The following NBEA variants were observed in gnomAD, a reference collection of about 807,000 sequenced individuals.
The protein encoded by NBEA is neurobeachin, also known as lysosomal-trafficking regulator 2.
A neutral mutation model predicts 343.4 loss-of-function variants in NBEA; 44 were observed. The ratio of observed to expected loss-of-function variants is 0.13; its 90% CI spans 0.10 to 0.16. The LOEUF (loss-of-function observed/expected upper bound fraction) is 0.16. Ranked by LOEUF, NBEA falls within the 10% of genes least tolerant of loss-of-function variation. NBEA has a pLI of 1.00. For synonymous variants in NBEA, 1,175 were observed against 1,238.7 expected (o/e 0.95, Z 1.08); for missense variants, 2,555 against 3,631.3 (o/e 0.70, Z 7.62).
chr13:35,354,475 A>G (rs2152867466), intron 38 of NBEA, among the ~76,000 whole-genome samples: 1 of 152,282 alleles, frequency 6.6e-6, no homozygotes, highest in African/African-American at 2.4e-5. Context: ...AACATGTCAG[A>G]TGCGTCCTGT....
intron 21 of NBEA, among the ~76,000 whole-genome samples, chr13:35,158,593 G>T (rs2069344373): frequency 6.6e-6 from 1 of 152,054 alleles, no homozygotes; most frequent in Non-Finnish European, 1.5e-5. Flanking sequence ...ATCAGTTGTT[G>T]GGAAGGGTGC....
chr13:35,345,527 G>A (rs2039822661), intron 36 of NBEA, among the ~76,000 whole-genome samples: 1 of 151,984 alleles, frequency 6.6e-6, no homozygotes, highest in Admixed American at 6.6e-5. Context: ...CAACTTGACT[G>A]TGAAAAAGAA....
rs1365955891 is a variant in NBEA at position 35,583,895 on chromosome 13, T to C, written c.7036-3T>C. On this transcript the variant is annotated splice_polypyrimidine_tract_variant and splice_region_variant and intron_variant, in intron 45 of 58. Coordinates refer to ENST00000379939, the MANE Select transcript of NBEA (RefSeq NM_001385012.1). ...AAACAAAATATTTTTTTTCTTTTAA[T>C]AGCCAATTGGTGCTTTGAACCCCAA... The C allele has an allele frequency of 6.2e-7, 1 of 1,603,216 alleles. No homozygotes were observed. The highest frequency in any genetic ancestry group is 2.2e-5 in the East Asian group (1 of 44,798).
intron 39 of NBEA, among the ~76,000 whole-genome samples, chr13:35,447,797 A>T (rs2046123643): frequency 6.6e-6 from 1 of 152,158 alleles, no homozygotes; most frequent in African/African-American, 2.4e-5. Flanking sequence ...CAAAAAGTGC[A>T]CTCAGTCCAA....
chr13:35,355,542 CA>C (rs1277314494), intron 38 of NBEA, among the ~76,000 whole-genome samples: 3 of 152,154 alleles, frequency 2.0e-5, no homozygotes, highest in Non-Finnish European at 4.4e-5. Flanking sequence ...ACCTTTCCGT[CA>C]TTGCAGAAAG....
intron 38 of NBEA, among the ~76,000 whole-genome samples, chr13:35,417,061 T>G (rs928314468): frequency 2.6e-5 from 4 of 152,208 alleles, no homozygotes; most frequent in Non-Finnish European, 5.9e-5. Context: ...TAGTTTGTAT[T>G]TCTGTGGAAA....
intron 36 of NBEA, among the ~76,000 whole-genome samples, chr13:35,341,458 C>T (rs899471591): frequency 6.6e-6 from 1 of 151,964 alleles, no homozygotes; most frequent in African/African-American, 2.4e-5. Context: ...GAAAATATAA[C>T]AGCAGAATTG....
At chr13:35,213,221 A>G (rs2073883609) in intron 33 of NBEA, among the ~76,000 whole-genome samples, 1 of 151,998 alleles carries the variant, frequency 6.6e-6, no homozygotes, top group South Asian at 2.1e-4. Context: ...TATTTGAAAG[A>G]CACTTCTTTT....
intron 41 of NBEA, chr13:35,476,057 C>T: frequency 6.2e-7 from 1 of 1,614,192 alleles, no homozygotes; most frequent in African/African-American, 1.3e-5. Flanking sequence ...ATAGTTTTGG[C>T]AATGGCAGCT....
At chr13:35,670,123 AG>A (rs2085540405) in intron 58 of NBEA, among the ~76,000 whole-genome samples, 1 of 152,340 alleles carries the variant, frequency 6.6e-6, no homozygotes, top group Non-Finnish European at 1.5e-5. Context: ...ATTACTCAAA[AG>A]GTATTTATTG....
At chr13:35,346,981 G>A (rs2039915013) in intron 36 of NBEA, among the ~76,000 whole-genome samples, 1 of 151,998 alleles carries the variant, frequency 6.6e-6, no homozygotes, top group African/African-American at 2.4e-5. Flanking sequence ...CAAGTAATTT[G>A]GTGGGAAGAT....
chr13:35,179,707 T>A (rs1356094772), intron 28 of NBEA: 2 of 887,998 alleles, frequency 2.3e-6, no homozygotes, highest in East Asian at 1.2e-4. Context: ...GCCTTCTGAT[T>A]GCCTGGTACT....
At chr13:35,333,386 T>C (rs894780488) in intron 36 of NBEA, among the ~76,000 whole-genome samples, 7 of 152,232 alleles carry the variant, frequency 4.6e-5, no homozygotes, top group South Asian at 2.1e-4. Context: ...AATTAGTTAA[T>C]TGGATTTTTA....
At chr13:35,634,837 C>T (rs1264419911) in intron 49 of NBEA, among the ~76,000 whole-genome samples, 1 of 152,090 alleles carries the variant, frequency 6.6e-6, no homozygotes, top group Non-Finnish European at 1.5e-5. Context: ...TTTTCTCAAT[C>T]TGACAGGGAT....
chr13:35,490,952 T>G (rs1272294176), intron 41 of NBEA, among the ~76,000 whole-genome samples: 1 of 151,956 alleles, frequency 6.6e-6, no homozygotes, highest in Non-Finnish European at 1.5e-5. Flanking sequence ...TAAGTTTGTC[T>G]TGTCATCTGT....
At chr13:35,457,360 A>C (rs2046639996) in intron 40 of NBEA, among the ~76,000 whole-genome samples, 2 of 152,158 alleles carry the variant, frequency 1.3e-5, no homozygotes, top group Admixed American at 6.6e-5. Context: ...AGAGTTATGC[A>C]ACTGTTACCG....
chr13:35,165,525 G>A (rs1452413167), intron 24 of NBEA, among the ~76,000 whole-genome samples: 1 of 151,994 alleles, frequency 6.6e-6, no homozygotes, highest in African/African-American at 2.4e-5. Context: ...AATTGTTGAT[G>A]GTGTGTGAAG....
intron 34 of NBEA, among the ~76,000 whole-genome samples, chr13:35,235,605 G>T (rs536319339): frequency 2.6e-5 from 4 of 152,162 alleles, no homozygotes; most frequent in Non-Finnish European, 5.9e-5. Flanking sequence ...TCACGTTACT[G>T]GCTCCTAAGT....
At chr13:35,476,819 A>G (rs1485826842) in intron 41 of NBEA, 16 of 1,016,140 alleles carry the variant, frequency 1.6e-5, no homozygotes, top group Non-Finnish European at 1.9e-5. Context: ...ACTCATGGAT[A>G]TAGGCACACA....
Sources: gnomAD v4.1 joint callset for allele counts (sites outside exome capture counted in the v4.1 genomes callset) on GRCh38, gnomAD v4.1.1 for gene constraint, MANE v1.5 for transcripts, NCBI Gene and HGNC (gene_info 2026-07-23, HGNC 2026-07-21) for gene names.